KCNK10: variants seen among roughly 807,000 people sequenced by gnomAD.
KCNK10 encodes the protein potassium two pore domain channel subfamily K member 10.
KCNK10 carries 25 observed loss-of-function variants against 47.7 expected under a neutral mutation model. The ratio of observed to expected loss-of-function variants is 0.52; its 90% CI spans 0.38 to 0.73. KCNK10 has a LOEUF of 0.73. Ranked by LOEUF, KCNK10 falls within the 30% of genes least tolerant of loss-of-function variation. KCNK10 has a pLI of 0.00. For missense variants in KCNK10, 563 were observed against 714.5 expected, an observed-to-expected ratio of 0.79 and a Z score of 2.42; for synonymous variants, 303 against 285.6, an observed-to-expected ratio of 1.06 and a Z score of -0.61.
chr14:88,281,011 C>T (rs765152829), intron 1 of KCNK10, among the ~76,000 whole-genome samples: 20 of 150,808 alleles, frequency 1.3e-4, no homozygotes, highest in Non-Finnish European at 2.6e-4. Context: ...AACTCAGTGC[C>T]TCTCATCGTT....
At chr14:88,259,367 G>T (rs1887046208) in intron 2 of KCNK10, among the ~76,000 whole-genome samples, 1 of 152,200 alleles carries the variant, frequency 6.6e-6, no homozygotes, top group Admixed American at 6.5e-5. Flanking sequence ...CATAGTAGAT[G>T]GAGATCTAAA....
chr14:88,235,334 A>G (rs751398553), intron 3 of KCNK10: 1 of 428,674 alleles, frequency 2.3e-6, no homozygotes, highest in South Asian at 1.7e-5. Context: ...AACTTCCATA[A>G]GAAAAAAAAT....
chr14:88,302,794 AGGATG>A (rs1888130080), intron 1 of KCNK10, among the ~76,000 whole-genome samples: 1 of 152,180 alleles, frequency 6.6e-6, no homozygotes, highest in Admixed American at 6.5e-5. Context: ...TGCTTCAAGA[AGGATG>A]GGGTGGCTGG....
intron 1 of KCNK10, among the ~76,000 whole-genome samples, chr14:88,302,635 G>A (rs546026431): frequency 4.6e-5 from 7 of 152,272 alleles, no homozygotes; most frequent in South Asian, 2.1e-4. Context: ...GCTTGAACCC[G>A]GGAGGCAGAG....
At chr14:88,308,950 C>T (rs531118636) in intron 1 of KCNK10, among the ~76,000 whole-genome samples, 1 of 152,250 alleles carries the variant, frequency 6.6e-6, no homozygotes, top group Admixed American at 6.5e-5. Flanking sequence ...TTTTTGGAAC[C>T]TCTTTACTTG....
At chr14:88,320,772 G>A (rs559537509) in intron 1 of KCNK10, among the ~76,000 whole-genome samples, 2 of 152,254 alleles carry the variant, frequency 1.3e-5, no homozygotes, top group African/African-American at 4.8e-5. Flanking sequence ...ATCCACAAGA[G>A]CCACACAGCA....
At chr14:88,302,086 TTGCTGG>T (rs1888111722) in intron 1 of KCNK10, among the ~76,000 whole-genome samples, 1 of 152,042 alleles carries the variant, frequency 6.6e-6, no homozygotes. Flanking sequence ...CAGGCAGGAC[TTGCTGG>T]TGAGTGGAGA....
At chr14:88,236,264 C>G (rs962119142) in intron 3 of KCNK10, among the ~76,000 whole-genome samples, 3 of 151,560 alleles carry the variant, frequency 2.0e-5, no homozygotes, top group Admixed American at 6.6e-5. Flanking sequence ...CTGCAGTGAG[C>G]TATGTTCATA....
In KCNK10 at chr14:88,234,517, G is replaced by A. The variant is rs1467521; in HGVS notation, c.520+6186C>T. ...CCAATCGTTAGCCTCTGAAATTTGC[G>A]CCTATAGGAAGTTGATTGTCAAAAC... On this transcript the variant is annotated intron_variant, in intron 3 of 6. Transcript: ENST00000319231. Among the ~76,000 whole-genome samples the A allele has an allele frequency of 2.9e-3, 446 of 152,312 alleles. 21 individuals are homozygous for A. In the East Asian group the frequency reaches 0.07, roughly 24 times the overall value.
intron 1 of KCNK10, among the ~76,000 whole-genome samples, chr14:88,320,909 G>C (rs919656181): frequency 1.3e-5 from 2 of 152,176 alleles, no homozygotes; most frequent in African/African-American, 2.4e-5. Flanking sequence ...GGGCTTGGAG[G>C]GGGGCGTCTC....
intron 5 of KCNK10, among the ~76,000 whole-genome samples, chr14:88,190,522 T>C (rs191111054): frequency 2.4e-4 from 36 of 152,238 alleles, no homozygotes; most frequent in Admixed American, 2.1e-3. Flanking sequence ...GGCCACTAAC[T>C]AGACATCCAT....
chr14:88,264,584 C>T (rs1887204761), intron 1 of KCNK10, among the ~76,000 whole-genome samples: 3 of 152,224 alleles, frequency 2.0e-5, no homozygotes, highest in Non-Finnish European at 4.4e-5. Context: ...CTGTTCAAAA[C>T]ACCTGGCTGT....
chr14:88,192,064 T>C (rs988187593), intron 5 of KCNK10, among the ~76,000 whole-genome samples, 160 bp downstream of exon 5: 10 of 152,218 alleles, frequency 6.6e-5, no homozygotes, highest in Admixed American at 5.9e-4. Flanking sequence ...TTATATTACA[T>C]AGGACTAGGG....
At chr14:88,262,940 AT>A (rs1887151783) in intron 2 of KCNK10, among the ~76,000 whole-genome samples, 1 of 152,128 alleles carries the variant, frequency 6.6e-6, no homozygotes, top group Admixed American at 6.5e-5. Context: ...GAACTTGAAA[AT>A]CCAAAGTCCA....
intron 2 of KCNK10, among the ~76,000 whole-genome samples, chr14:88,254,458 CT>C (rs1489984162): frequency 6.6e-6 from 1 of 152,178 alleles, no homozygotes; most frequent in Non-Finnish European, 1.5e-5. Flanking sequence ...TCGAGCTCCC[CT>C]GAAGACACTC....
chr14:88,187,786 T>G (rs901827655), intron 6 of KCNK10, among the ~76,000 whole-genome samples, 181 bp downstream of exon 6: 23 of 152,148 alleles, frequency 1.5e-4, no homozygotes, highest in African/African-American at 5.6e-4. Flanking sequence ...CAGAAATAAC[T>G]GTATTCTATT....
chr14:88,200,682 A>C (rs1359465113), intron 4 of KCNK10, among the ~76,000 whole-genome samples: 1 of 152,232 alleles, frequency 6.6e-6, no homozygotes, highest in Non-Finnish European at 1.5e-5. Context: ...AGCTATGAAT[A>C]TAGCTGAACT....
chr14:88,227,265 A>G, intron 4 of KCNK10, 110 bp downstream of exon 4: 3 of 904,642 alleles, frequency 3.3e-6, no homozygotes, highest in Non-Finnish European at 4.9e-6. Flanking sequence ...ATAACATTAA[A>G]ATTATTCCAT....
intron 3 of KCNK10, chr14:88,235,335 GA>G (rs987616322): frequency 2.9e-5 from 12 of 418,038 alleles, no homozygotes; most frequent in South Asian, 1.5e-4. Context: ...ACTTCCATAA[GA>G]AAAAAAATGT....
Sources: allele counts gnomAD v4.1 joint callset (sites outside exome capture counted in the v4.1 genomes callset), GRCh38; gene constraint gnomAD v4.1.1; transcripts MANE v1.5; gene names NCBI Gene and HGNC (gene_info 2026-07-23, HGNC 2026-07-21).